The following FRMD4A variants were observed in gnomAD, a reference collection of about 807,000 sequenced individuals.
FRMD4A encodes the protein FERM domain-containing protein 4A.
A neutral mutation model predicts 129.1 loss-of-function variants in FRMD4A; 29 were observed. The ratio of observed to expected loss-of-function variants is 0.22; its 90% CI spans 0.17 to 0.31. FRMD4A has a LOEUF of 0.31. FRMD4A is among the 10% of genes least tolerant of loss of function. The probability of loss-of-function intolerance (pLI) is 1.00; values close to 1 mark genes in which losing one functional copy is unlikely to be tolerated. For synonymous variants in FRMD4A, 634 were observed against 571.6 expected (o/e 1.11, Z -1.56); for missense variants, 1,272 against 1,375.8 (o/e 0.92, Z 1.19).
At chr10:13,957,779 T>C (rs1475044376) in intron 2 of FRMD4A, among the ~76,000 whole-genome samples, 1 of 152,204 alleles carries the variant, frequency 6.6e-6, no homozygotes, top group East Asian at 1.9e-4. Flanking sequence ...ATTTATTCTT[T>C]ATTGTGTCCT....
At chr10:14,205,693 G>C (rs1218115072) in intron 2 of FRMD4A, among the ~76,000 whole-genome samples, 2 of 150,804 alleles carry the variant, frequency 1.3e-5, no homozygotes, top group Non-Finnish European at 2.9e-5. Context: ...TGTAGTCCCA[G>C]CTACTCAGGA....
intron 2 of FRMD4A, among the ~76,000 whole-genome samples, chr10:14,204,461 T>A (rs1053965776): frequency 6.6e-6 from 1 of 152,012 alleles, no homozygotes; most frequent in African/African-American, 2.4e-5. Context: ...TAACTAATTA[T>A]TAATTAGGAT....
chr10:14,227,771 C>T (rs1324704871), intron 2 of FRMD4A, among the ~76,000 whole-genome samples: 1 of 152,198 alleles, frequency 6.6e-6, no homozygotes, highest in African/African-American at 2.4e-5. Flanking sequence ...CTCTAGACCC[C>T]AGAACAGGTT....
rs764457497 is a variant in FRMD4A at position 14,270,824 on chromosome 10, TA to T, written c.45+59233del. Among the ~76,000 whole-genome samples, 3 of 152,294 alleles carry T rather than the reference TA, an allele frequency of 2.0e-5. No homozygotes were observed. The South Asian group carries it at 6.2e-4, about 32-fold the overall frequency. ...ACAAAAACATCACCAAACTTCTAAG[TA>T]AAGACCAAATCACTCCTAATACTAA... On this transcript the variant is annotated intron_variant, in intron 2 of 24. Transcript: ENST00000357447.
intron 2 of FRMD4A, among the ~76,000 whole-genome samples, chr10:14,214,306 C>T (rs965384194): frequency 9.2e-5 from 14 of 152,306 alleles, no homozygotes; most frequent in African/African-American, 3.1e-4. Flanking sequence ...CTTCAAACCC[C>T]AACCCACATC....
At position 13,984,987 on chromosome 10, in the gene FRMD4A, C is replaced by T. The variant is rs116878044; in HGVS notation, c.46-126075G>A. ...CACCTACTATTTCTGCCACAGGCAG[C>T]GCTTGCTCCACTCCTGAAGCAGGCA... On this transcript the variant is annotated intron_variant, in intron 2 of 24. Transcript: ENST00000357447. Among the ~76,000 whole-genome samples, 1,422 of 152,380 alleles carry T rather than the reference C, an allele frequency of 9.3e-3. 16 individuals are homozygous for T. Among genetic ancestry groups the T allele is most frequent in the Admixed American group, 0.02 (303 of 15,304 alleles).
intron 12 of FRMD4A, among the ~76,000 whole-genome samples, chr10:13,714,155 C>T (rs1163885670): frequency 6.7e-5 from 10 of 148,172 alleles, no homozygotes; most frequent in African/African-American, 1.2e-4. Context: ...TGCTGCCTCC[C>T]GGGTTCAAGT....
intron 9 of FRMD4A, among the ~76,000 whole-genome samples, chr10:13,744,203 A>G (rs936907356): frequency 2.0e-5 from 3 of 152,032 alleles, no homozygotes; most frequent in African/African-American, 7.2e-5. Flanking sequence ...ATGTCCCTGC[A>G]TACCTTATTG....
chr10:14,043,675 G>C (rs1017584432), intron 2 of FRMD4A, among the ~76,000 whole-genome samples: 1 of 152,160 alleles, frequency 6.6e-6, no homozygotes, highest in African/African-American at 2.4e-5. Context: ...CAGCTGCCTG[G>C]ACAGGCACAG....
At chr10:14,290,947 C>T (rs1355723174) in intron 2 of FRMD4A, among the ~76,000 whole-genome samples, 1 of 152,022 alleles carries the variant, frequency 6.6e-6, no homozygotes, top group Non-Finnish European at 1.5e-5. Flanking sequence ...TGATTTTTTA[C>T]CCCAGTGTAA....
chr10:13,688,242 T>C (rs2085287186), intron 15 of FRMD4A, among the ~76,000 whole-genome samples: 1 of 152,090 alleles, frequency 6.6e-6, no homozygotes, highest in Non-Finnish European at 1.5e-5. Context: ...ATGTCCTTTG[T>C]AGGGACATGG....
At chr10:13,828,894 A>C (rs540213776) in intron 3 of FRMD4A, among the ~76,000 whole-genome samples, 2 of 152,270 alleles carry the variant, frequency 1.3e-5, no homozygotes, top group Admixed American at 1.3e-4. Flanking sequence ...TGTCTTTACT[A>C]TTGTGAATAG....
At chr10:14,138,308 G>A (rs1839650026) in intron 2 of FRMD4A, among the ~76,000 whole-genome samples, 2 of 152,134 alleles carry the variant, frequency 1.3e-5, no homozygotes, top group African/African-American at 4.8e-5. Flanking sequence ...GTCCTACTGG[G>A]TCCAGCTGAC....
intron 2 of FRMD4A, among the ~76,000 whole-genome samples, chr10:13,888,309 C>A (rs997303211): frequency 6.6e-6 from 1 of 152,230 alleles, no homozygotes; most frequent in African/African-American, 2.4e-5. Context: ...ATACCCTCCA[C>A]AATTGATGCA....
intron 2 of FRMD4A, among the ~76,000 whole-genome samples, chr10:14,208,697 G>C (rs767774884): frequency 6.6e-5 from 10 of 152,142 alleles, no homozygotes; most frequent in Non-Finnish European, 1.3e-4. Flanking sequence ...TGAACCCAGA[G>C]CTTTCCCTTT....
chr10:13,837,055 C>T (rs1287999652), intron 3 of FRMD4A, among the ~76,000 whole-genome samples: 1 of 151,980 alleles, frequency 6.6e-6, no homozygotes, highest in African/African-American at 2.4e-5. Flanking sequence ...CCGCACCCGG[C>T]CGGTTCCTCA....
At chr10:14,327,399 G>C (rs964300911) in intron 2 of FRMD4A, among the ~76,000 whole-genome samples, 1 of 152,202 alleles carries the variant, frequency 6.6e-6, no homozygotes, top group South Asian at 2.1e-4. Context: ...TCTGTACACT[G>C]TTTCTTAGAG....
chr10:13,703,703 C>T (rs535119640), intron 13 of FRMD4A, among the ~76,000 whole-genome samples: 11 of 152,222 alleles, frequency 7.2e-5, no homozygotes, highest in African/African-American at 9.6e-5. Flanking sequence ...TAAAAAGCAC[C>T]GCGAGGTTCA....
At chr10:13,887,288 A>G (rs1464473853) in intron 2 of FRMD4A, among the ~76,000 whole-genome samples, 1 of 152,214 alleles carries the variant, frequency 6.6e-6, no homozygotes, top group Admixed American at 6.5e-5. Flanking sequence ...TTACTTTCCA[A>G]CAACTGTGAC....
Sources: allele counts gnomAD v4.1 joint callset (sites outside exome capture counted in the v4.1 genomes callset), GRCh38; gene constraint gnomAD v4.1.1; transcripts MANE v1.5; gene names NCBI Gene and HGNC (gene_info 2026-07-23, HGNC 2026-07-21).